GALNT10: variants seen among roughly 807,000 people sequenced by gnomAD.
GALNT10 encodes the protein polypeptide N-acetylgalactosaminyltransferase 10.
In GALNT10, 41 loss-of-function variants were observed where a neutral mutation model predicts 75.0. The ratio of observed to expected loss-of-function variants is 0.55; its 90% CI spans 0.43 to 0.71. GALNT10 has a LOEUF of 0.71. GALNT10 is among the 30% of genes least tolerant of loss of function. The pLI is 0.00. For synonymous variants in GALNT10, 302 were observed against 313.0 expected, an observed-to-expected ratio of 0.96 and a Z score of 0.37; for missense variants, 727 against 818.5, an observed-to-expected ratio of 0.89 and a Z score of 1.36.
chr5:154,342,061 G>A (rs1183684067), intron 4 of GALNT10, among the ~76,000 whole-genome samples: 1 of 152,090 alleles, frequency 6.6e-6, no homozygotes, highest in East Asian at 1.9e-4. Flanking sequence ...TGACAGGGCC[G>A]GGCACATGGT....
At chr5:154,275,682 G>A (rs1753939180) in intron 1 of GALNT10, among the ~76,000 whole-genome samples, 1 of 152,194 alleles carries the variant, frequency 6.6e-6, no homozygotes, top group South Asian at 2.1e-4. Context: ...CTGGTGAGGT[G>A]GTGCTGGCTG....
chr5:154,407,054 A>T (rs1756296408), intron 8 of GALNT10, among the ~76,000 whole-genome samples: 1 of 152,214 alleles, frequency 6.6e-6, no homozygotes, highest in South Asian at 2.1e-4. Context: ...TACATTGTTT[A>T]CTAAACTTGC....
At chr5:154,355,258 CCT>C (rs1423361440) in intron 4 of GALNT10, among the ~76,000 whole-genome samples, 1 of 152,204 alleles carries the variant, frequency 6.6e-6, no homozygotes, top group Non-Finnish European at 1.5e-5. Context: ...CCCCCCTCAC[CCT>C]CTCTCATCAT....
chr5:154,338,459 A>C, intron 4 of GALNT10: 1 of 300,596 alleles, frequency 3.3e-6, no homozygotes, highest in South Asian at 3.9e-5. Context: ...ACATGATGGC[A>C]GTGGGAGGAG....
chr5:154,392,706 G>C (rs1426324105), intron 7 of GALNT10: 1 of 152,192 alleles, frequency 6.6e-6, no homozygotes, highest in Non-Finnish European at 1.5e-5. Flanking sequence ...GCCATGGTTA[G>C]GATATCTCCA....
At chr5:154,297,916 C>A in intron 2 of GALNT10, 25 bp from the exon 3 acceptor site, 1 of 1,606,690 alleles carries the variant, frequency 6.2e-7, no homozygotes, top group Non-Finnish European at 8.5e-7. Flanking sequence ...TCATTAGCAA[C>A]ATCGAATTTG....
chr5:154,217,154 A>T (rs1752886822), intron 1 of GALNT10, among the ~76,000 whole-genome samples: 1 of 151,890 alleles, frequency 6.6e-6, no homozygotes, highest in Non-Finnish European at 1.5e-5. Flanking sequence ...GGCAGCCCCC[A>T]CTTCCTTCCT....
chr5:154,226,492 T>C (rs2113659543), intron 1 of GALNT10, among the ~76,000 whole-genome samples: 1 of 152,312 alleles, frequency 6.6e-6, no homozygotes, highest in East Asian at 1.9e-4. Flanking sequence ...ACTCTCAGTA[T>C]ATTCAATATA....
intron 4 of GALNT10, among the ~76,000 whole-genome samples, chr5:154,367,314 G>T (rs1755491583): frequency 6.6e-6 from 1 of 152,182 alleles, no homozygotes; most frequent in Non-Finnish European, 1.5e-5. Context: ...TTTCCCTGGG[G>T]GTTCTTGGGG....
chr5:154,344,892 C>T (rs1168680091), intron 4 of GALNT10, among the ~76,000 whole-genome samples: 6 of 152,136 alleles, frequency 3.9e-5, no homozygotes, highest in African/African-American at 1.4e-4. Flanking sequence ...TCGTGCTCCA[C>T]CTTCAGGGAG....
chr5:154,319,673 C>T (rs1260841113), intron 3 of GALNT10, among the ~76,000 whole-genome samples: 10 of 152,246 alleles, frequency 6.6e-5, no homozygotes, highest in Admixed American at 6.5e-4. Flanking sequence ...TGCCCAGCCT[C>T]TTTGCAATGG....
At chr5:154,264,304 C>T in intron 1 of GALNT10, among the ~76,000 whole-genome samples, 1 of 114,616 alleles carries the variant, frequency 8.7e-6, no homozygotes, top group Admixed American at 8.6e-5. Context: ...CAGAGCAAGA[C>T]TCTGTCTCCA....
chr5:154,401,304 C>T (rs1225003711), intron 7 of GALNT10, among the ~76,000 whole-genome samples: 2 of 152,198 alleles, frequency 1.3e-5, no homozygotes, highest in African/African-American at 2.4e-5. Flanking sequence ...AGCTGGATGC[C>T]GACCTGATCA....
At chr5:154,195,750 A>G (rs1475297710) in intron 1 of GALNT10, among the ~76,000 whole-genome samples, 1 of 152,106 alleles carries the variant, frequency 6.6e-6, no homozygotes, top group African/African-American at 2.4e-5. Flanking sequence ...CCCTCCATAT[A>G]CTAATATTTG....
chr5:154,392,360 G>A (rs182409648), intron 7 of GALNT10: 3 of 152,168 alleles, frequency 2.0e-5, no homozygotes, highest in African/African-American at 7.2e-5. Flanking sequence ...TTTTCAGTAA[G>A]TGTTAGTGTG....
At chr5:154,344,708 A>C (rs1369411897) in intron 4 of GALNT10, among the ~76,000 whole-genome samples, 2 of 152,252 alleles carry the variant, frequency 1.3e-5, no homozygotes, top group African/African-American at 2.4e-5. Context: ...TAAATCTAGA[A>C]GAAATCAAGG....
chr5:154,302,317 G>A (rs942377349), intron 3 of GALNT10, among the ~76,000 whole-genome samples: 9 of 152,240 alleles, frequency 5.9e-5, no homozygotes, highest in African/African-American at 1.7e-4. Flanking sequence ...GCCAGAGAAC[G>A]GAAGCGAGGC....
At chr5:154,191,316 C>G (rs1774854982) in intron 1 of GALNT10, among the ~76,000 whole-genome samples, 1 of 152,128 alleles carries the variant, frequency 6.6e-6, no homozygotes, top group East Asian at 1.9e-4. Flanking sequence ...CAGCGGATCT[C>G]TTTTGAAGGA....
chr5:154,278,185 G>A (rs745692192), intron 1 of GALNT10, among the ~76,000 whole-genome samples: 35 of 152,266 alleles, frequency 2.3e-4, no homozygotes, highest in Non-Finnish European at 4.1e-4. Context: ...TTTCATGTCT[G>A]TGAGCTTTTT....
Sources: gnomAD v4.1 joint callset for allele counts (sites outside exome capture counted in the v4.1 genomes callset) on GRCh38, gnomAD v4.1.1 for gene constraint, MANE v1.5 for transcripts, NCBI Gene and HGNC (gene_info 2026-07-23, HGNC 2026-07-21) for gene names.